Variants in SLC25A13 observed in about 807,000 individuals in gnomAD.
SLC25A13 encodes solute carrier family 25 member 13, also known as electrogenic aspartate/glutamate antiporter SLC25A13, mitochondrial.
In SLC25A13, 70 loss-of-function variants were observed where a neutral mutation model predicts 85.5. That is an observed-to-expected ratio of 0.82 (90% CI 0.68 to 1.00). The LOEUF is 1.00. SLC25A13 is among the 50% of genes least tolerant of loss of function. The probability of loss-of-function intolerance (pLI) is 0.00; values close to 1 mark genes in which losing one functional copy is unlikely to be tolerated. For missense variants in SLC25A13, 765 were observed against 819.8 expected, an observed-to-expected ratio of 0.93 and a Z score of 0.82; for synonymous variants, 259 against 288.7, an observed-to-expected ratio of 0.90 and a Z score of 1.04.
At chr7:96,314,170 G>A (rs1344053424) in intron 1 of SLC25A13, among the ~76,000 whole-genome samples, 3 of 152,002 alleles carry the variant, frequency 2.0e-5, no homozygotes, top group South Asian at 2.1e-4. Context: ...GAAGGAAGAA[G>A]AAGAAGAAGC....
intron 1 of SLC25A13, among the ~76,000 whole-genome samples, chr7:96,314,118 A>AGAAGGAGGAAG (rs1304268918): frequency 6.6e-6 from 1 of 152,084 alleles, no homozygotes; most frequent in African/African-American, 2.4e-5. Flanking sequence ...AGGAGGAGGA[A>AGAAGGAGGAAG]GAAGGAGGAA....
chr7:96,193,530 T>C (rs962242184), intron 5 of SLC25A13, among the ~76,000 whole-genome samples: 5 of 152,220 alleles, frequency 3.3e-5, no homozygotes, highest in African/African-American at 1.2e-4. Flanking sequence ...GTGATGCAGA[T>C]GATCTGAGGA....
In SLC25A13 at chr7:96,300,717, A is replaced by G. The variant is rs148669531; in HGVS notation, c.16-3766T>C. Among the ~76,000 whole-genome samples the G allele has an allele frequency of 7.1e-3, 1,076 of 152,290 alleles. 7 individuals carry two copies. The highest frequency in any genetic ancestry group is 0.011 in the Non-Finnish European group (727 of 68,022). On this transcript the variant is annotated intron_variant, in intron 1 of 17. Coordinates refer to ENST00000265631, the MANE Select transcript of SLC25A13 (RefSeq NM_014251.3). ...AGAGTTCCAGGTACAGCAAATGGTT[A>G]ATGATCACCACAAGATTTCTCTGAG...
In SLC25A13 at chr7:96,189,624, C is replaced by G; in HGVS notation, c.805G>C (p.Val269Leu). ...QKFGQVTPME[V>L]DILFQLADLY... ...TCTGCTAACTGAAACAAGATGTCAA[C>G]TTCCATGGGTGTAACCTGACCAAAT... is the stretch of plus-strand genomic sequence containing the variant. The change falls in exon 8 of 18, where the codon GTT becomes CTT. Residue 269 changes from valine to leucine, a missense_variant. By Grantham distance (32) the Val-to-Leu change is conservative (BLOSUM62 1). Coordinates refer to ENST00000265631, the MANE Select transcript of SLC25A13 (RefSeq NM_014251.3). 6.2e-7 allele frequency: 1 copy of G among 1,605,640 alleles called. No homozygotes were observed. The highest frequency in any genetic ancestry group is 8.5e-7 in the Non-Finnish European group (1 of 1,176,018).
At chr7:96,192,994 T>C (rs1794916776) in intron 6 of SLC25A13, 43 bp downstream of exon 6, 2 of 1,600,392 alleles carry the variant, frequency 1.2e-6, no homozygotes, top group Non-Finnish European at 8.6e-7. Flanking sequence ...TAATTCCTTA[T>C]TTACTGAGTT....
At chr7:96,262,188 AG>A (rs1797879376) in intron 3 of SLC25A13, among the ~76,000 whole-genome samples, 1 of 152,216 alleles carries the variant, frequency 6.6e-6, no homozygotes, top group South Asian at 2.1e-4. Context: ...TCAAGTAGCT[AG>A]GAAACAGAGC....
Position 96,281,391 on chromosome 7 carries a change from CAAAAAAA to C in SLC25A13, c.70-4060_70-4054del, listed in dbSNP as rs748690314. 1.6e-4 allele frequency among the ~76,000 whole-genome samples: 9 copies of C among 57,114 alleles called. No homozygotes were observed. In the South Asian group the frequency reaches 1.7e-3, roughly 11 times the overall value. 37.5% of individuals were successfully genotyped at this position (57,114 alleles called of 152,430 possible). A position where few individuals can be genotyped will look rare whatever the true frequency, so the allele number is the denominator to read the frequency against. Reference sequence around the variant, plus strand: ...GGGCAACAAGTGCAAAACTCCATCTCAAAAAAAAAAAAAAAAAAGAATAAACTAACTC... The same window carrying C: ...GGGCAACAAGTGCAAAACTCCATCTCAAAAAAAAAAAGAATAAACTAACTC... On this transcript the variant is annotated intron_variant, in intron 2 of 17. Transcript: ENST00000265631.
chr7:96,313,960 C>T (rs1000450929), intron 1 of SLC25A13, among the ~76,000 whole-genome samples: 3 of 152,106 alleles, frequency 2.0e-5, no homozygotes, highest in Admixed American at 6.6e-5. Flanking sequence ...CAAAATTCCT[C>T]ATTGGTAAAC....
At chr7:96,284,370 A>C (rs1212271591) in intron 2 of SLC25A13, among the ~76,000 whole-genome samples, 1 of 152,194 alleles carries the variant, frequency 6.6e-6, no homozygotes, top group African/African-American at 2.4e-5. Flanking sequence ...AGTTTCCAAA[A>C]ACAGAATTAA....
intron 2 of SLC25A13, among the ~76,000 whole-genome samples, chr7:96,287,380 G>C (rs776347017): frequency 2.0e-4 from 31 of 152,152 alleles, no homozygotes; most frequent in African/African-American, 6.8e-4. Context: ...TTACTCAAAA[G>C]TCACATAGTC....
At position 96,169,999 on chromosome 7, in the gene SLC25A13, T is replaced by C. The variant is rs80152483; in HGVS notation, c.1311+46A>G. 1,365 of 1,563,630 alleles carry C rather than the reference T, an allele frequency of 8.7e-4. 12 individuals carry two copies. In the African/African-American group the frequency reaches 0.016, roughly 19 times the overall value. On this transcript the variant is annotated intron_variant, in intron 13 of 17. Transcript: ENST00000265631. Reference sequence around the variant, plus strand: ...CTGTTGACCATGGTAGTGATATATATGTGAAACAAGTCTTTTCAATGAAGA... The same window carrying C: ...CTGTTGACCATGGTAGTGATATATACGTGAAACAAGTCTTTTCAATGAAGA...
intron 4 of SLC25A13, among the ~76,000 whole-genome samples, chr7:96,232,917 CTT>C (rs1435559734): frequency 2.6e-5 from 4 of 152,200 alleles, no homozygotes; most frequent in Non-Finnish European, 4.4e-5. Context: ...AAAGACAGCT[CTT>C]GTTTCCTACA....
At chr7:96,310,330 G>C (rs1345482962) in intron 1 of SLC25A13, among the ~76,000 whole-genome samples, 1 of 152,098 alleles carries the variant, frequency 6.6e-6, no homozygotes, top group East Asian at 1.9e-4. Context: ...TCAAGCCAGA[G>C]GTCTTGCAGC....
chr7:96,295,625 A>C (rs925255092), intron 2 of SLC25A13, among the ~76,000 whole-genome samples: 3 of 152,286 alleles, frequency 2.0e-5, no homozygotes, highest in African/African-American at 7.2e-5. Context: ...CCAACTCCTT[A>C]ATATCAAATA....
chr7:96,197,003 A>G (rs1795088262), intron 5 of SLC25A13, among the ~76,000 whole-genome samples: 1 of 152,200 alleles, frequency 6.6e-6, no homozygotes, highest in African/African-American at 2.4e-5. Flanking sequence ...TAAGGTAGGT[A>G]CTATTATTAA....
chr7:96,263,258 C>T (rs1797926683), intron 3 of SLC25A13, among the ~76,000 whole-genome samples: 1 of 152,150 alleles, frequency 6.6e-6, no homozygotes, highest in Non-Finnish European at 1.5e-5. Flanking sequence ...CCCTTTACCA[C>T]TCACGTCTAA....
At chr7:96,193,392 A>G (rs1562831985) in intron 5 of SLC25A13, among the ~76,000 whole-genome samples, 1 of 152,158 alleles carries the variant, frequency 6.6e-6, no homozygotes. Flanking sequence ...GAGAAAGTGC[A>G]CTCTACCTTA....
chr7:96,300,147 T>C (rs1799498895), intron 1 of SLC25A13, among the ~76,000 whole-genome samples: 1 of 152,166 alleles, frequency 6.6e-6, no homozygotes, highest in Non-Finnish European at 1.5e-5. Flanking sequence ...TGGTGGCTCA[T>C]ACCTATAATC....
intron 14 of SLC25A13, among the ~76,000 whole-genome samples, chr7:96,141,089 T>C (rs1488262534): frequency 6.7e-6 from 1 of 148,416 alleles, no homozygotes; most frequent in Non-Finnish European, 1.5e-5. Context: ...GGTGCAATCA[T>C]ATAGCTCACC....
Sources: gnomAD v4.1 joint callset for allele counts (sites outside exome capture counted in the v4.1 genomes callset) on GRCh38, gnomAD v4.1.1 for gene constraint, MANE v1.5 for transcripts, NCBI Gene and HGNC (gene_info 2026-07-23, HGNC 2026-07-21) for gene names.